The following PRKCE variants were observed in gnomAD, a reference collection of about 807,000 sequenced individuals.
PRKCE encodes protein kinase C epsilon type.
In PRKCE, 16 loss-of-function variants were observed where a neutral mutation model predicts 85.4. The ratio of observed to expected loss-of-function variants is 0.19; its 90% CI spans 0.13 to 0.28. The LOEUF is 0.28. PRKCE is among the 10% of genes least tolerant of loss of function. PRKCE has a pLI of 1.00. For synonymous variants in PRKCE, 388 were observed against 371.5 expected (o/e 1.04, Z -0.51); for missense variants, 573 against 975.2 (o/e 0.59, Z 5.49).
intron 11 of PRKCE, among the ~76,000 whole-genome samples, chr2:46,128,937 G>T (rs570013813): frequency 4.6e-5 from 7 of 152,286 alleles, no homozygotes; most frequent in African/African-American, 1.7e-4. Context: ...TGCCATAGCA[G>T]ATGTGGGTCC....
In PRKCE at chr2:45,905,822, T is replaced by C. The variant is rs1270594529; in HGVS notation, c.412+62759T>C. On this transcript the variant is annotated intron_variant, in intron 2 of 14. Coordinates refer to ENST00000306156, the MANE Select transcript of PRKCE (RefSeq NM_005400.3). This position sits in a 1 kb window ranked among gnomAD's most constrained non-coding sequence, Gnocchi z 4.4. ...ACTGCTTACTCAACTCTGTACTCAG[T>C]TACAAATTGGGTGAGATGTGGCTCC... Among the ~76,000 whole-genome samples the C allele has an allele frequency of 6.6e-6, 1 of 152,176 alleles. No homozygotes were observed. Among genetic ancestry groups the C allele is most frequent in the African/African-American group, 2.4e-5 (1 of 41,442 alleles).
At chr2:45,977,746 G>C (rs143668848) in intron 3 of PRKCE, among the ~76,000 whole-genome samples, 1 of 152,056 alleles carries the variant, frequency 6.6e-6, no homozygotes, top group African/African-American at 2.4e-5. Flanking sequence ...AATGAGACTG[G>C]CCTGATGTCC....
intron 1 of PRKCE, among the ~76,000 whole-genome samples, chr2:45,662,951 A>G (rs1242242492): frequency 6.6e-6 from 1 of 152,214 alleles, no homozygotes; most frequent in African/African-American, 2.4e-5. Flanking sequence ...ACTGATGATT[A>G]TCTCAACCAG....
chr2:45,706,662 A>G (rs1679139577), intron 1 of PRKCE, among the ~76,000 whole-genome samples: 1 of 152,202 alleles, frequency 6.6e-6, no homozygotes, highest in Admixed American at 6.5e-5. Flanking sequence ...ATCCTGAGGC[A>G]GGATTTTGTA....
chr2:45,752,105 C>T (rs1452903645), intron 1 of PRKCE, among the ~76,000 whole-genome samples: 1 of 152,126 alleles, frequency 6.6e-6, no homozygotes, highest in Non-Finnish European at 1.5e-5. Flanking sequence ...GCGTGAGCCA[C>T]CGCGCCCGGC....
Position 46,001,271 on chromosome 2 carries a change from ATTTCTG to A in PRKCE, c.824-131_824-126del. 1.8e-6 allele frequency: 1 copy of A among 570,936 alleles called. No homozygotes were observed. The highest frequency in any genetic ancestry group is 2.4e-6 in the Non-Finnish European group (1 of 411,712). 35.4% of individuals were successfully genotyped at this position (570,936 alleles called of 1,614,324 possible). On this transcript the variant is annotated intron_variant, in intron 6 of 14. Coordinates refer to ENST00000306156, the MANE Select transcript of PRKCE (RefSeq NM_005400.3). This position sits in a 1 kb window ranked among gnomAD's most constrained non-coding sequence, Gnocchi z 4.4. Reference sequence around the variant, plus strand: ...GGAAGACATATATATATATATATATATTTCTGTATTTTCCAAATTATATCTTAAATG... The same window carrying A: ...GGAAGACATATATATATATATATATATATTTTCCAAATTATATCTTAAATG...
At chr2:46,044,033 C>T (rs1708372101) in intron 10 of PRKCE, among the ~76,000 whole-genome samples, 1 of 152,212 alleles carries the variant, frequency 6.6e-6, no homozygotes, top group East Asian at 1.9e-4. Flanking sequence ...GTTAGGATTT[C>T]ATGCCAACCA....
In PRKCE at chr2:45,887,790, C is replaced by A. The variant is rs1310902472; in HGVS notation, c.412+44727C>A. Among the ~76,000 whole-genome samples, 5 of 152,356 alleles carry A rather than the reference C, an allele frequency of 3.3e-5. No homozygotes were observed. In the East Asian group the frequency reaches 5.8e-4, roughly 18 times the overall value. On this transcript the variant is annotated intron_variant, in intron 2 of 14. Transcript: ENST00000306156. ...ATAGAAGAACCAGGTGCCTCTTGGACTTTGCTTGCTGAGCAAATGGCAGCT... is the reference window on the plus strand; with the variant it reads ...ATAGAAGAACCAGGTGCCTCTTGGAATTTGCTTGCTGAGCAAATGGCAGCT...
At position 46,159,552 on chromosome 2, in the gene PRKCE, C is replaced by T; in HGVS notation, c.1921-54C>T. The T allele has an allele frequency of 6.5e-7, 1 of 1,532,594 alleles. No individual in the cohort carries two copies. The highest frequency in any genetic ancestry group is 8.7e-7 in the Non-Finnish European group (1 of 1,147,232). The allele number at this position is 1,532,594 out of a possible 1,614,324, so 94.9% of individuals were successfully genotyped here. A position where few individuals can be genotyped will look rare whatever the true frequency, so the allele number is the denominator to read the frequency against. On this transcript the variant is annotated intron_variant, in intron 13 of 14. Coordinates refer to ENST00000306156, the MANE Select transcript of PRKCE (RefSeq NM_005400.3). This position sits in a 1 kb window ranked among gnomAD's most constrained non-coding sequence, Gnocchi z 4.1. ...GCTGACCTCCATCTGTCCCTTATAG[C>T]CTGTGCTGGCCAGGCCTTTGTCACT...
chr2:45,958,791 CATATATAT>C (rs71394862), intron 2 of PRKCE, among the ~76,000 whole-genome samples: 32 of 22,544 alleles, frequency 1.4e-3, no homozygotes, highest in East Asian at 6.7e-3. Context: ...GCCTTTAAAA[CATATATAT>C]ATATATATAT....
chr2:46,074,849 C>T (rs918367085), intron 10 of PRKCE, among the ~76,000 whole-genome samples: 2 of 152,172 alleles, frequency 1.3e-5, no homozygotes, highest in Non-Finnish European at 2.9e-5. Context: ...CACCTATGTC[C>T]TGCCTGGGAC....
intron 2 of PRKCE, among the ~76,000 whole-genome samples, chr2:45,952,056 C>T (rs1360470291): frequency 1.3e-5 from 2 of 152,208 alleles, no homozygotes; most frequent in Non-Finnish European, 2.9e-5. Flanking sequence ...TGGTCTTCAA[C>T]TCCTGGCGTC....
chr2:46,159,650 G>A lies in PRKCE; in HGVS notation c.1965G>A (p.Ser655=), dbSNP rs201293478. ...NPHKRLGCVA[S]QNGEDAIKQH... ...ACAAGCGCCTGGGCTGTGTGGCATC[G>A]CAGAATGGCGAGGACGCCATCAAGC... is the stretch of plus-strand genomic sequence containing the variant. The change falls in exon 14 of 15, where the codon TCG becomes TCA. Residue 655 remains serine, a synonymous_variant. Transcript: ENST00000306156. The surrounding 1 kb of genome is among the most constrained non-coding windows in gnomAD (Gnocchi z 4.1). 164 of 1,599,266 alleles carry A rather than the reference G, an allele frequency of 1.0e-4. No homozygotes were observed. In the African/African-American group the frequency reaches 1.5e-3, roughly 15 times the overall value.
chr2:46,174,451 A>G lies in PRKCE; in HGVS notation c.2068-10284A>G, dbSNP rs531278109. Among the ~76,000 whole-genome samples the G allele has an allele frequency of 5.3e-5, 8 of 152,370 alleles. No individual in the cohort carries two copies. The South Asian group carries it at 1.7e-3, about 32-fold the overall frequency. On this transcript the variant is annotated intron_variant, in intron 14 of 14. Coordinates refer to ENST00000306156, the MANE Select transcript of PRKCE (RefSeq NM_005400.3). ...TTTTAAAATCGAATTAGTAGGCAAC[A>G]TTTAAAAAGAGATGTAAGTGAAAAT...
chr2:46,157,050 A>T (rs1414712527), intron 13 of PRKCE, among the ~76,000 whole-genome samples: 1 of 152,174 alleles, frequency 6.6e-6, no homozygotes, highest in Non-Finnish European at 1.5e-5. Flanking sequence ...CTACTCAGTG[A>T]GATCTTGCAA....
chr2:46,120,417 C>T (rs1231612376), intron 11 of PRKCE, among the ~76,000 whole-genome samples: 1 of 152,098 alleles, frequency 6.6e-6, no homozygotes, highest in African/African-American at 2.4e-5. Flanking sequence ...GTCCTCACAA[C>T]AAAGATTTAT....
chr2:45,713,569 A>G (rs1573030130), intron 1 of PRKCE, among the ~76,000 whole-genome samples: 2 of 152,196 alleles, frequency 1.3e-5, no homozygotes, highest in South Asian at 4.1e-4. Flanking sequence ...TTAAAAAATC[A>G]TTCTTCATTT....
chr2:46,160,670 A>G (rs1457199238), intron 14 of PRKCE, among the ~76,000 whole-genome samples: 1 of 152,198 alleles, frequency 6.6e-6, no homozygotes, highest in African/African-American at 2.4e-5. Flanking sequence ...AGGATTTGCC[A>G]TCAGGCAGTC....
At chr2:46,077,668 T>G (rs773941012) in intron 10 of PRKCE, among the ~76,000 whole-genome samples, 11 of 152,220 alleles carry the variant, frequency 7.2e-5, no homozygotes, top group Non-Finnish European at 1.5e-4. Flanking sequence ...TAAACATCAT[T>G]AAGGTGGTTA....
Sources: gnomAD v4.1 joint callset for allele counts (sites outside exome capture counted in the v4.1 genomes callset) on GRCh38, gnomAD v4.1.1 for gene constraint, Gnocchi (gnomAD v3.1) non-coding constraint, MANE v1.5 for transcripts, NCBI Gene and HGNC (gene_info 2026-07-23, HGNC 2026-07-21) for gene names.